Variants in TMEM117 observed in about 807,000 individuals in gnomAD.
The protein encoded by TMEM117 is transmembrane protein 117.
TMEM117 carries 27 observed loss-of-function variants against 52.4 expected under a neutral mutation model. That is an observed-to-expected ratio of 0.51 (90% CI 0.38 to 0.71). The LOEUF is 0.71. TMEM117 is among the 30% of genes least tolerant of loss of function. The pLI is 0.00. For synonymous variants in TMEM117, 215 were observed against 206.3 expected, an observed-to-expected ratio of 1.04 and a Z score of -0.36; for missense variants, 556 against 630.5, an observed-to-expected ratio of 0.88 and a Z score of 1.26.
the TMEM117 span, among the ~76,000 whole-genome samples, chr12:43,801,035 A>ACTC: frequency 6.6e-6 from 1 of 152,166 alleles, no homozygotes; most frequent in Non-Finnish European, 1.5e-5. Flanking sequence ...TACAGGCATG[A>ACTC]GCCACCGTGC....
chr12:44,109,972 G>A (rs1261244754), intron 3 of TMEM117, among the ~76,000 whole-genome samples: 1 of 96,482 alleles, frequency 1.0e-5, no homozygotes, highest in African/African-American at 5.4e-5. Context: ...GGAAGCAATT[G>A]TGAATGGGAG....
chr12:44,047,018 T>C (rs1946890420), intron 3 of TMEM117, among the ~76,000 whole-genome samples: 1 of 152,164 alleles, frequency 6.6e-6, no homozygotes, highest in Non-Finnish European at 1.5e-5. Flanking sequence ...CTTGTGATGG[T>C]TAATACTGAG....
chr12:44,095,462 C>T (rs572832732), intron 3 of TMEM117, among the ~76,000 whole-genome samples: 31 of 151,742 alleles, frequency 2.0e-4, no homozygotes, highest in Non-Finnish European at 3.8e-4. Context: ...TTTGATGGGA[C>T]CACTGGGAAG....
intron 4 of TMEM117, among the ~76,000 whole-genome samples, chr12:44,201,956 G>GTGATATATCATGTGA (rs1565585335): frequency 2.0e-5 from 3 of 151,600 alleles, no homozygotes; most frequent in Non-Finnish European, 4.4e-5. Flanking sequence ...ATATCATGTG[G>GTGATATATCATGTGA]TATCTTTATA....
intron 3 of TMEM117, among the ~76,000 whole-genome samples, chr12:43,968,866 A>C (rs2137683715): frequency 6.6e-6 from 1 of 152,340 alleles, no homozygotes; most frequent in South Asian, 2.1e-4. Flanking sequence ...TTTTTACTGC[A>C]GCCTGCACAT....
chr12:44,111,733 C>T (rs749789815), intron 3 of TMEM117, among the ~76,000 whole-genome samples: 18,053 of 141,514 alleles, frequency 0.13, 2,008 homozygotes, highest in African/African-American at 0.24. Flanking sequence ...CCGCTTGGTG[C>T]AGAGCTGAGT....
chr12:44,050,797 A>G (rs1209131407), intron 3 of TMEM117, among the ~76,000 whole-genome samples: 1 of 152,182 alleles, frequency 6.6e-6, no homozygotes, highest in Non-Finnish European at 1.5e-5. Context: ...TTCACAAAGA[A>G]TGTCTTATAT....
intron 3 of TMEM117, among the ~76,000 whole-genome samples, chr12:43,971,192 A>G (rs1945580223): frequency 6.6e-6 from 1 of 152,122 alleles, no homozygotes; most frequent in Non-Finnish European, 1.5e-5. Context: ...AATTAGTCCT[A>G]CCTTACTGAT....
At chr12:44,355,219 T>C (rs993745048) in intron 6 of TMEM117, among the ~76,000 whole-genome samples, 1 of 152,096 alleles carries the variant, frequency 6.6e-6, no homozygotes, top group Non-Finnish European at 1.5e-5. Flanking sequence ...TAGAAATATA[T>C]CTGTCTTCTG....
intron 3 of TMEM117, among the ~76,000 whole-genome samples, chr12:44,131,349 T>C (rs73288071): frequency 0.078 from 11,802 of 152,148 alleles, 1,384 homozygotes; most frequent in African/African-American, 0.26. Flanking sequence ...GGACAAAGAA[T>C]ATCCTATGTA....
chr12:44,089,341 T>G (rs1189125438), intron 3 of TMEM117, among the ~76,000 whole-genome samples: 1 of 152,224 alleles, frequency 6.6e-6, no homozygotes, highest in African/African-American at 2.4e-5. Context: ...GATGTTTTAC[T>G]TAGCTGCTAA....
chr12:44,216,366 A>G (rs1327116010), intron 5 of TMEM117, among the ~76,000 whole-genome samples: 1 of 152,060 alleles, frequency 6.6e-6, no homozygotes, highest in Admixed American at 6.6e-5. Context: ...AGCCCTTGTC[A>G]TTTGGATTCC....
At chr12:43,834,314 G>A (rs758322270), upstream of TMEM117, among the ~76,000 whole-genome samples, 3 of 152,178 alleles carry the variant, frequency 2.0e-5, no homozygotes, top group African/African-American at 2.4e-5. Context: ...TAAAAGCACA[G>A]TGGAATATAA....
chr12:43,982,562 C>A (rs1275336974), intron 3 of TMEM117, among the ~76,000 whole-genome samples: 1 of 152,096 alleles, frequency 6.6e-6, no homozygotes, highest in Non-Finnish European at 1.5e-5. Context: ...AATCTACTTC[C>A]CTACATATAC....
chr12:43,883,206 A>T (rs370081173), intron 2 of TMEM117, among the ~76,000 whole-genome samples: 2 of 152,328 alleles, frequency 1.3e-5, no homozygotes, highest in East Asian at 3.9e-4. Flanking sequence ...AGGTATAATA[A>T]ATAAGCCCTA....
intron 3 of TMEM117, among the ~76,000 whole-genome samples, chr12:43,970,024 T>A (rs1465973179): frequency 6.6e-6 from 1 of 152,174 alleles, no homozygotes; most frequent in Non-Finnish European, 1.5e-5. Flanking sequence ...ATTCATAAGT[T>A]ATAAGTTGTG....
At chr12:44,237,681 C>T (rs1950014388) in intron 5 of TMEM117, among the ~76,000 whole-genome samples, 1 of 151,888 alleles carries the variant, frequency 6.6e-6, no homozygotes, top group Middle Eastern at 3.2e-3. Context: ...CCCACCACCG[C>T]ACTCCCGCCT....
chr12:44,255,480 A>C (rs1950249482), intron 5 of TMEM117, among the ~76,000 whole-genome samples: 1 of 152,202 alleles, frequency 6.6e-6, no homozygotes, highest in Non-Finnish European at 1.5e-5. Flanking sequence ...TATATGACAT[A>C]TAGTAACTAA....
At chr12:44,208,725 G>GTTTTTTTTTTTTTTTTTTTTT (rs5797892) in intron 4 of TMEM117, among the ~76,000 whole-genome samples, 1 of 68,828 alleles carries the variant, frequency 1.5e-5, no homozygotes. Context: ...CAGAAAGAAT[G>GTTTTTTTTTTTTTTTTTTTTT]TTTTTTTTTT....
Sources: allele counts gnomAD v4.1 joint callset (sites outside exome capture counted in the v4.1 genomes callset), GRCh38; gene constraint gnomAD v4.1.1; transcripts MANE v1.5; gene names NCBI Gene and HGNC (gene_info 2026-07-23, HGNC 2026-07-21).